The following TNR variants were observed in gnomAD, a reference collection of about 807,000 sequenced individuals.
TNR encodes the protein tenascin-R.
In TNR, 45 loss-of-function variants were observed where a neutral mutation model predicts 150.4. That is an observed-to-expected ratio of 0.30 (90% CI 0.24 to 0.38). TNR has a LOEUF of 0.38. Among genes scored for constraint, TNR ranks in the 10% least tolerant of loss-of-function variants. The pLI is 1.00. For synonymous variants in TNR, 687 were observed against 678.4 expected (o/e 1.01, Z -0.20); for missense variants, 1,544 against 1,759.1 (o/e 0.88, Z 2.19).
intron 1 of TNR, among the ~76,000 whole-genome samples, chr1:175,612,811 T>C (rs1663637726): frequency 6.6e-6 from 1 of 152,228 alleles, no homozygotes; most frequent in African/African-American, 2.4e-5. Context: ...ATGTTGACTT[T>C]CTTTAATATT....
chr1:175,714,704 T>A (rs1327258908), intron 1 of TNR, among the ~76,000 whole-genome samples: 2 of 152,224 alleles, frequency 1.3e-5, no homozygotes, highest in Non-Finnish European at 2.9e-5. Context: ...ATAGGCGCTT[T>A]AATTACTGGC....
chr1:175,436,735 T>A (rs1474115427), intron 2 of TNR, among the ~76,000 whole-genome samples: 2 of 152,128 alleles, frequency 1.3e-5, no homozygotes, highest in African/African-American at 4.8e-5. Flanking sequence ...GCAATCCTAG[T>A]CTCTGAAAAA....
intron 9 of TNR, among the ~76,000 whole-genome samples, chr1:175,367,767 A>G (rs1192670014): frequency 6.6e-6 from 1 of 152,178 alleles, no homozygotes; most frequent in African/African-American, 2.4e-5. Context: ...CTGAGGCCAT[A>G]TGGGGACTCC....
chr1:175,489,312 A>G (rs1436410178), intron 2 of TNR, among the ~76,000 whole-genome samples: 3 of 152,206 alleles, frequency 2.0e-5, no homozygotes, highest in African/African-American at 7.2e-5. Context: ...GTACTCTGCC[A>G]TCTCATGCAA....
chr1:175,420,506 G>A (rs1199928188), intron 2 of TNR, among the ~76,000 whole-genome samples: 1 of 152,216 alleles, frequency 6.6e-6, no homozygotes, highest in East Asian at 1.9e-4. Context: ...AGTGGACTTG[G>A]TTCAGTGTGG....
intron 14 of TNR, 52 bp from the exon 15 acceptor site, chr1:175,359,783 A>G (rs1263275863): frequency 1.9e-6 from 3 of 1,556,006 alleles, no homozygotes; most frequent in South Asian, 1.2e-5. Flanking sequence ...CAGGATAGAA[A>G]TGCAGGGAAT....
chr1:175,617,649 G>A (rs186903967), intron 1 of TNR, among the ~76,000 whole-genome samples: 24 of 152,290 alleles, frequency 1.6e-4, no homozygotes, highest in Admixed American at 1.6e-3. Context: ...CGAAATCTAA[G>A]ATCCTCAGTG....
At chr1:175,592,124 A>G (rs757119146) in intron 1 of TNR, among the ~76,000 whole-genome samples, 5 of 152,240 alleles carry the variant, frequency 3.3e-5, no homozygotes, top group Non-Finnish European at 5.9e-5. Flanking sequence ...TTGAAGACTC[A>G]GTTTCTTCAC....
intron 2 of TNR, among the ~76,000 whole-genome samples, chr1:175,524,781 G>A (rs1176920061): frequency 2.0e-5 from 3 of 152,214 alleles, no homozygotes; most frequent in Non-Finnish European, 4.4e-5. Flanking sequence ...CACATGTAAA[G>A]CATAAGATGT....
At chr1:175,400,027 A>T (rs1349028066) in intron 4 of TNR, among the ~76,000 whole-genome samples, 1 of 152,216 alleles carries the variant, frequency 6.6e-6, no homozygotes, top group East Asian at 1.9e-4. Context: ...GATTGTCTCA[A>T]GACCCTGTTC....
chr1:175,328,962 T>A (rs1048618564), intron 21 of TNR, among the ~76,000 whole-genome samples: 2 of 152,264 alleles, frequency 1.3e-5, no homozygotes, highest in African/African-American at 4.8e-5. Context: ...TCTTGTTTAA[T>A]ATGCTCCATT....
At chr1:175,456,017 G>T (rs1379554430) in intron 2 of TNR, among the ~76,000 whole-genome samples, 1 of 152,146 alleles carries the variant, frequency 6.6e-6, no homozygotes, top group Non-Finnish European at 1.5e-5. Context: ...AAGATGTGTG[G>T]TCACCTCACC....
intron 1 of TNR, among the ~76,000 whole-genome samples, chr1:175,716,078 C>A (rs973076340): frequency 6.6e-6 from 1 of 152,166 alleles, no homozygotes; most frequent in Non-Finnish European, 1.5e-5. Context: ...GCAAATGGAA[C>A]AATTCTCCAT....
intron 1 of TNR, among the ~76,000 whole-genome samples, chr1:175,670,416 C>G (rs991464237): frequency 6.6e-6 from 1 of 152,082 alleles, no homozygotes; most frequent in Non-Finnish European, 1.5e-5. Context: ...AGCATCTGAA[C>G]AACAAGGAAA....
chr1:175,365,312 C>T, intron 11 of TNR, 33 bp from the exon 12 acceptor site: 2 of 1,562,478 alleles, frequency 1.3e-6, no homozygotes, highest in South Asian at 1.2e-5. Flanking sequence ...GGTCCTGAAA[C>T]ACGTGAGGAG....
intron 1 of TNR, among the ~76,000 whole-genome samples, chr1:175,721,666 A>G (rs1327875252): frequency 2.6e-5 from 4 of 151,970 alleles, no homozygotes; most frequent in African/African-American, 9.7e-5. Context: ...TCACTTCTGC[A>G]CACCCCTAAG....
At chr1:175,427,731 TTTCCTTCC>T (rs138869758) in intron 2 of TNR, among the ~76,000 whole-genome samples, 25 of 126,706 alleles carry the variant, frequency 2.0e-4, no homozygotes, top group Admixed American at 4.9e-4. Context: ...CTCTCTTTCT[TTTCCTTCC>T]TTCCTTCCTT....
intron 1 of TNR, among the ~76,000 whole-genome samples, chr1:175,578,528 G>A (rs573057206): frequency 1.3e-5 from 2 of 152,144 alleles, no homozygotes; most frequent in Non-Finnish European, 2.9e-5. Flanking sequence ...GCATACAGAG[G>A]GGGAGCATTA....
intron 2 of TNR, among the ~76,000 whole-genome samples, chr1:175,409,783 A>G (rs1654127651): frequency 8.3e-6 from 1 of 120,096 alleles, no homozygotes. Flanking sequence ...TCATTCATTC[A>G]TTTGACAGAT....
Sources: allele counts gnomAD v4.1 joint callset (sites outside exome capture counted in the v4.1 genomes callset), GRCh38; gene constraint gnomAD v4.1.1; transcripts MANE v1.5; gene names NCBI Gene and HGNC (gene_info 2026-07-23, HGNC 2026-07-21).